TMTC2: variants seen among roughly 807,000 people sequenced by gnomAD.
The protein encoded by TMTC2 is transmembrane O-mannosyltransferase targeting cadherins 2, also known as protein O-mannosyl-transferase TMTC2.
A neutral mutation model predicts 82.4 loss-of-function variants in TMTC2; 43 were observed. The observed-to-expected ratio is 0.52, with a 90% CI of 0.41 to 0.67. The LOEUF (loss-of-function observed/expected upper bound fraction) is 0.67, where lower values mean the gene tolerates loss of function less well. Ranked by LOEUF, TMTC2 falls within the 30% of genes least tolerant of loss-of-function variation. TMTC2 has a pLI of 0.00. For synonymous variants in TMTC2, 408 were observed against 381.9 expected, an observed-to-expected ratio of 1.07 and a Z score of -0.80; for missense variants, 919 against 1,012.4, an observed-to-expected ratio of 0.91 and a Z score of 1.25.
intron 3 of TMTC2, among the ~76,000 whole-genome samples, chr12:82,913,975 A>G (rs191733776): frequency 4.7e-4 from 67 of 141,968 alleles, no homozygotes; most frequent in African/African-American, 1.7e-3. Flanking sequence ...TGTTTGGTTG[A>G]AAAAAAAAAT....
intron 1 of TMTC2, among the ~76,000 whole-genome samples, chr12:82,809,797 A>C (rs1879404702): frequency 6.6e-6 from 1 of 152,154 alleles, no homozygotes; most frequent in Admixed American, 6.5e-5. Flanking sequence ...ACTAACATAC[A>C]AGAAATAATT....
intron 1 of TMTC2, among the ~76,000 whole-genome samples, chr12:82,811,167 A>G (rs955845217): frequency 6.6e-6 from 1 of 152,146 alleles, no homozygotes; most frequent in Non-Finnish European, 1.5e-5. Context: ...CAGAGGTTGC[A>G]GTGAGCCGAG....
intron 10 of TMTC2, among the ~76,000 whole-genome samples, chr12:83,058,309 ACC>A (rs1882617691): frequency 6.6e-6 from 1 of 151,906 alleles, no homozygotes; most frequent in Non-Finnish European, 1.5e-5. Flanking sequence ...AACAAAACCA[ACC>A]AACAAAACAA....
At chr12:82,871,775 T>C (rs1872192717) in intron 2 of TMTC2, among the ~76,000 whole-genome samples, 1 of 150,982 alleles carries the variant, frequency 6.6e-6, no homozygotes, top group African/African-American at 2.4e-5. Context: ...CGGTGTCCAT[T>C]TTTTTTTCTC....
intron 3 of TMTC2, among the ~76,000 whole-genome samples, chr12:82,901,636 T>C (rs1874027409): frequency 1.3e-5 from 2 of 152,100 alleles, no homozygotes; most frequent in Non-Finnish European, 2.9e-5. Context: ...TTGTATTTCT[T>C]GCCTTTTAGC....
At chr12:82,945,356 A>C (rs1473849807) in intron 4 of TMTC2, among the ~76,000 whole-genome samples, 1 of 152,230 alleles carries the variant, frequency 6.6e-6, no homozygotes, top group African/African-American at 2.4e-5. Context: ...ATTTTTCTGC[A>C]ATCTCATTAA....
chr12:82,997,668 A>G (rs1022034267), intron 8 of TMTC2, among the ~76,000 whole-genome samples: 1 of 151,424 alleles, frequency 6.6e-6, no homozygotes, highest in Non-Finnish European at 1.5e-5. Flanking sequence ...CCATTATTTT[A>G]CTGCTGCCAT....
chr12:82,882,153 C>G (rs1336172772), intron 2 of TMTC2, among the ~76,000 whole-genome samples: 1 of 149,982 alleles, frequency 6.7e-6, no homozygotes, highest in African/African-American at 2.5e-5. Flanking sequence ...GCGCCCGCCA[C>G]TACGCCCAGC....
At chr12:82,778,571 C>T (rs367929487) in intron 1 of TMTC2, among the ~76,000 whole-genome samples, 90 of 151,786 alleles carry the variant, frequency 5.9e-4, no homozygotes, top group African/African-American at 2.1e-3. Context: ...AAAAATCGGC[C>T]GGGCGCAGTG....
At chr12:83,041,858 C>T (rs1881908010) in intron 9 of TMTC2, among the ~76,000 whole-genome samples, 1 of 152,186 alleles carries the variant, frequency 6.6e-6, no homozygotes, top group Admixed American at 6.5e-5. Context: ...CTACAAATCT[C>T]AACATGGCTC....
Position 82,794,115 on chromosome 12 carries a change from G to A in TMTC2, c.84-62895G>A, listed in dbSNP as rs564895314. Among the ~76,000 whole-genome samples the A allele has an allele frequency of 7.8e-4, 118 of 152,246 alleles. 1 individual carries two copies. The highest frequency in any genetic ancestry group is 1.4e-3 in the Non-Finnish European group (97 of 68,020). On this transcript the variant is annotated intron_variant, in intron 1 of 11. Transcript: ENST00000321196. ...ATTTGCCCAGGCTCTGTTGATGCGT[G>A]AGAAGAGGGCACATGTGACTTGGTC...
chr12:82,910,525 T>G (rs1418336170), intron 3 of TMTC2, among the ~76,000 whole-genome samples: 1 of 152,190 alleles, frequency 6.6e-6, no homozygotes, highest in Non-Finnish European at 1.5e-5. Context: ...ACCCCCTTCC[T>G]TATCACAAGG....
At position 82,983,691 on chromosome 12, in the gene TMTC2, T is replaced by A. The variant is rs914905231; in HGVS notation, c.1949-2234T>A. Among the ~76,000 whole-genome samples, 4 of 152,182 alleles carry A rather than the reference T, an allele frequency of 2.6e-5. No homozygotes were observed. The South Asian group carries it at 6.2e-4, about 24-fold the overall frequency. On this transcript the variant is annotated intron_variant, in intron 7 of 11. Transcript: ENST00000321196. ...AAATACAATGGTTGTACAACTTTTT[T>A]AAACTGGCCTATAAGCACTTGAAGA...
intron 2 of TMTC2, among the ~76,000 whole-genome samples, chr12:82,892,994 A>G (rs979113827): frequency 2.0e-5 from 3 of 152,190 alleles, no homozygotes; most frequent in African/African-American, 7.2e-5. Context: ...ATTGCTGGGT[A>G]GAATTTCAGA....
chr12:82,901,538 G>A lies in TMTC2; in HGVS notation c.1483+4892G>A, dbSNP rs527369810. 1.1e-4 allele frequency among the ~76,000 whole-genome samples: 16 copies of A among 151,526 alleles called. No individual in the cohort carries two copies. In the East Asian group the frequency reaches 2.9e-3, roughly 28 times the overall value. ...AGGTTGGTCTCAAACTCCTGACCTC[G>A]TGATCCACCCGCCTCGGCCTCCCAA... On this transcript the variant is annotated intron_variant, in intron 3 of 11. Coordinates refer to ENST00000321196, the MANE Select transcript of TMTC2 (RefSeq NM_152588.3).
intron 10 of TMTC2, among the ~76,000 whole-genome samples, chr12:83,053,599 C>T (rs1334912390): frequency 6.6e-6 from 1 of 151,972 alleles, no homozygotes; most frequent in African/African-American, 2.4e-5. Context: ...GAAGTGAGAT[C>T]CTGAGGCCAG....
intron 8 of TMTC2, among the ~76,000 whole-genome samples, chr12:83,001,524 A>G (rs1879920567): frequency 6.6e-6 from 1 of 151,328 alleles, no homozygotes; most frequent in African/African-American, 2.4e-5. Context: ...AATCTCAGCT[A>G]CTTGGGAGGC....
chr12:82,891,882 C>T (rs1304846486), intron 2 of TMTC2, among the ~76,000 whole-genome samples: 3 of 152,012 alleles, frequency 2.0e-5, no homozygotes, highest in Non-Finnish European at 4.4e-5. Context: ...AAGAGTGTCA[C>T]TCACCAGCCT....
intron 1 of TMTC2, among the ~76,000 whole-genome samples, chr12:82,767,963 C>T (rs1252110204): frequency 6.6e-6 from 1 of 152,142 alleles, no homozygotes; most frequent in Non-Finnish European, 1.5e-5. Context: ...TAAGAATGTG[C>T]TTCCTGAAAC....
Sources: allele counts gnomAD v4.1 joint callset (sites outside exome capture counted in the v4.1 genomes callset), GRCh38; gene constraint gnomAD v4.1.1; transcripts MANE v1.5; gene names NCBI Gene and HGNC (gene_info 2026-07-23, HGNC 2026-07-21).